Variants in USP32 observed in about 807,000 individuals in gnomAD.
USP32 encodes ubiquitin carboxyl-terminal hydrolase 32.
In USP32, 59 loss-of-function variants were observed where a neutral mutation model predicts 204.8. The observed-to-expected ratio is 0.29, with a 90% CI of 0.23 to 0.36. The LOEUF (loss-of-function observed/expected upper bound fraction) is 0.36, where lower values mean the gene tolerates loss of function less well. Among genes scored for constraint, USP32 ranks in the 10% least tolerant of loss-of-function variants. USP32 has a pLI of 1.00. For synonymous variants in USP32, 517 were observed against 678.4 expected (o/e 0.76, Z 3.70); for missense variants, 1,160 against 1,946.4 (o/e 0.60, Z 7.60).
At chr17:60,341,845 G>A (rs920517272) in intron 2 of USP32, among the ~76,000 whole-genome samples, 4 of 151,994 alleles carry the variant, frequency 2.6e-5, no homozygotes, top group East Asian at 3.9e-4. Context: ...CGATGGGTTC[G>A]AACATACTCC....
chr17:60,292,543 C>T (rs1024725021), intron 4 of USP32, among the ~76,000 whole-genome samples: 1 of 152,158 alleles, frequency 6.6e-6, no homozygotes, highest in African/African-American at 2.4e-5. Context: ...TCCCCCTACT[C>T]ATTCTGTCAC....
At chr17:60,263,187 A>T (rs2086497267) in intron 9 of USP32, among the ~76,000 whole-genome samples, 1 of 152,056 alleles carries the variant, frequency 6.6e-6, no homozygotes, top group Admixed American at 6.6e-5. Context: ...GGCTCAAGTG[A>T]TTCTCCCACC....
chr17:60,335,219 G>C lies in USP32; in HGVS notation c.186+10262C>G, dbSNP rs549294559. 6.5e-4 allele frequency among the ~76,000 whole-genome samples: 92 copies of C among 142,144 alleles called. 8 individuals carry two copies. The South Asian group carries it at 0.018, about 28-fold the overall frequency. The allele number at this position is 142,144 out of a possible 152,430, so 93.3% of individuals were successfully genotyped here. ...AAACTCCTGGGCTCAAGCAATCCTT[G>C]AGATTCCGAAAAGTGGTGGGATTAC... On this transcript the variant is annotated intron_variant, in intron 2 of 33. Coordinates refer to ENST00000300896, the MANE Select transcript of USP32 (RefSeq NM_032582.4).
At chr17:60,386,328 G>A (rs761916300) in intron 1 of USP32, among the ~76,000 whole-genome samples, 1 of 145,270 alleles carries the variant, frequency 6.9e-6, no homozygotes, top group Non-Finnish European at 1.5e-5. Flanking sequence ...AATCTTCTCA[G>A]TACACTATCC....
intron 29 of USP32, among the ~76,000 whole-genome samples, chr17:60,188,034 G>A (rs1181331987): frequency 2.0e-5 from 3 of 152,014 alleles, no homozygotes; most frequent in Non-Finnish European, 4.4e-5. Context: ...AGGCTGGAGT[G>A]CACTGGCGAG....
At chr17:60,232,114 C>T (rs2085569861) in intron 12 of USP32, among the ~76,000 whole-genome samples, 1 of 150,926 alleles carries the variant, frequency 6.6e-6, no homozygotes, top group Non-Finnish European at 1.5e-5. Context: ...CTTAGGTAGG[C>T]AGATGAAGCT....
chr17:60,320,738 G>T (rs1010750823), intron 2 of USP32, among the ~76,000 whole-genome samples: 36 of 152,212 alleles, frequency 2.4e-4, no homozygotes, highest in African/African-American at 8.4e-4. Flanking sequence ...AGTAATCAAG[G>T]AAGAGTTTCC....
At chr17:60,373,939 C>G (rs934469604) in intron 1 of USP32, among the ~76,000 whole-genome samples, 20 of 152,128 alleles carry the variant, frequency 1.3e-4, no homozygotes, top group African/African-American at 4.8e-4. Flanking sequence ...AAGACATACA[C>G]TTTGGGAGGC....
In USP32 at chr17:60,417,005, C is replaced by G. The variant is rs188318030; in HGVS notation, c.106+5241G>C. On this transcript the variant is annotated intron_variant, in intron 1 of 3. Transcript: ENST00000588898. ...TGATCTCGGCTCACTGCAACCTCCC[C>G]CTCTTGGGTTCAAGCCATTCTCCTG... Among the ~76,000 whole-genome samples, 1,027 of 149,814 alleles carry G rather than the reference C, an allele frequency of 6.9e-3. 12 individuals carry two copies. Among genetic ancestry groups the G allele is most frequent in the African/African-American group, 0.024 (986 of 40,664 alleles).
At chr17:60,401,814 T>C (rs1291985261) in intron 1 of USP32, among the ~76,000 whole-genome samples, 2 of 152,116 alleles carry the variant, frequency 1.3e-5, no homozygotes, top group African/African-American at 4.8e-5. Flanking sequence ...GCCCAAACTT[T>C]TGTGCACATT....
intron 2 of USP32, among the ~76,000 whole-genome samples, chr17:60,334,991 T>C (rs1257805933): frequency 7.0e-6 from 1 of 142,522 alleles, no homozygotes; most frequent in East Asian, 1.9e-4. Context: ...CTGATGTTTC[T>C]TGTTATTTTT....
At chr17:60,387,623 T>G (rs2089753298) in intron 1 of USP32, among the ~76,000 whole-genome samples, 1 of 152,218 alleles carries the variant, frequency 6.6e-6, no homozygotes, top group Admixed American at 6.5e-5. Context: ...ATTTCTAGTA[T>G]TTTATTCGCA....
At chr17:60,220,378 G>A (rs999335644) in intron 15 of USP32, among the ~76,000 whole-genome samples, 7 of 152,096 alleles carry the variant, frequency 4.6e-5, no homozygotes, top group African/African-American at 1.7e-4. Context: ...TACTAGTAGT[G>A]AGGATGCAAC....
At chr17:60,254,085 C>T (rs918780399) in intron 10 of USP32, among the ~76,000 whole-genome samples, 1 of 152,052 alleles carries the variant, frequency 6.6e-6, no homozygotes, top group African/African-American at 2.4e-5. Context: ...TACATATAAA[C>T]ATACTAAACC....
At chr17:60,376,841 TC>T (rs1185931026) in intron 1 of USP32, among the ~76,000 whole-genome samples, 3 of 152,140 alleles carry the variant, frequency 2.0e-5, no homozygotes, top group African/African-American at 7.2e-5. Context: ...GAAAATTTTT[TC>T]ATACTAACAC....
At chr17:60,197,328 G>C (rs1201262110) in intron 27 of USP32, among the ~76,000 whole-genome samples, 2 of 152,200 alleles carry the variant, frequency 1.3e-5, no homozygotes, top group Non-Finnish European at 2.9e-5. Flanking sequence ...CTACAGGCCG[G>C]GTGTGGTGGC....
chr17:60,244,031 T>G (rs1170090654), intron 11 of USP32, among the ~76,000 whole-genome samples: 3 of 107,482 alleles, frequency 2.8e-5, no homozygotes, highest in African/African-American at 1.1e-4. Context: ...TGGATTGTGT[T>G]TTTTTTTTTT....
intron 24 of USP32, 148 bp from the exon 25 acceptor site, chr17:60,207,280 G>A (rs1744944362): frequency 7.5e-7 from 1 of 1,330,024 alleles, no homozygotes; most frequent in African/African-American, 1.5e-5. Context: ...CTACATAAAG[G>A]ATGAATGCTT....
chr17:60,328,211 G>C (rs565114788), intron 2 of USP32, among the ~76,000 whole-genome samples: 1 of 152,190 alleles, frequency 6.6e-6, no homozygotes, highest in African/African-American at 2.4e-5. Context: ...CCTCCCCTCT[G>C]AGGCCCATAA....
Sources: allele counts gnomAD v4.1 joint callset (sites outside exome capture counted in the v4.1 genomes callset), GRCh38; gene constraint gnomAD v4.1.1; transcripts MANE v1.5; gene names NCBI Gene and HGNC (gene_info 2026-07-23, HGNC 2026-07-21).